The following ARHGAP18 variants were observed in gnomAD, a reference collection of about 807,000 sequenced individuals.
ARHGAP18 encodes the protein Rho GTPase activating protein 18, also known as rho GTPase-activating protein 18.
Under a neutral mutation model 86.2 loss-of-function variants are expected in ARHGAP18, and 67 were observed. The observed-to-expected ratio is 0.78, with a 90% CI of 0.64 to 0.95. ARHGAP18 has a LOEUF of 0.95. Ranked by LOEUF, ARHGAP18 falls within the 40% of genes least tolerant of loss-of-function variation. The probability of loss-of-function intolerance (pLI) is 0.00; values close to 1 mark genes in which losing one functional copy is unlikely to be tolerated. For synonymous variants in ARHGAP18, 283 were observed against 280.4 expected, an observed-to-expected ratio of 1.01 and a Z score of -0.09; for missense variants, 691 against 780.4, an observed-to-expected ratio of 0.89 and a Z score of 1.37.
chr6:129,702,948 C>T (rs374822318), intron 1 of ARHGAP18, among the ~76,000 whole-genome samples: 8 of 151,966 alleles, frequency 5.3e-5, no homozygotes, highest in Middle Eastern at 6.8e-3. Flanking sequence ...TGCAGTGAGC[C>T]GAGATTGCGC....
At chr6:129,614,569 G>T (rs1789053459) in intron 7 of ARHGAP18, among the ~76,000 whole-genome samples, 1 of 152,054 alleles carries the variant, frequency 6.6e-6, no homozygotes, top group African/African-American at 2.4e-5. Context: ...GACAAAGGAA[G>T]ATTTTTCTTA....
intron 1 of ARHGAP18, among the ~76,000 whole-genome samples, chr6:129,669,797 A>C (rs1562718841): frequency 6.6e-6 from 1 of 152,070 alleles, no homozygotes; most frequent in African/African-American, 2.4e-5. Context: ...AAAAAAATAA[A>C]TAAATTCAGG....
rs1244632008 is a variant in ARHGAP18, at chr6:129,625,200, ATT to A, written c.786+4151_786+4152del. Among the ~76,000 whole-genome samples the A allele has an allele frequency of 7.6e-4, 63 of 83,274 alleles. 6 individuals are homozygous for A. Among genetic ancestry groups the A allele is most frequent in the African/African-American group, 4.2e-3 (61 of 14,596 alleles). 54.6% of individuals were successfully genotyped at this position (83,274 alleles called of 152,430 possible). A position where few individuals can be genotyped will look rare whatever the true frequency, so the allele number is the denominator to read the frequency against. ...ATATTATATATTATATATGATATAT[ATT>A]TATATGTAATATATATGATATATGA... On this transcript the variant is annotated intron_variant, in intron 5 of 14. Coordinates refer to ENST00000368149, the MANE Select transcript of ARHGAP18 (RefSeq NM_033515.3).
chr6:129,628,520 G>C (rs1773091254), intron 5 of ARHGAP18, among the ~76,000 whole-genome samples: 1 of 152,050 alleles, frequency 6.6e-6, no homozygotes, highest in South Asian at 2.1e-4. Context: ...TTTTATAATG[G>C]GGAGATCTAG....
intron 1 of ARHGAP18, among the ~76,000 whole-genome samples, chr6:129,687,237 A>T (rs1271232267): frequency 2.0e-5 from 3 of 151,490 alleles, no homozygotes; most frequent in African/African-American, 7.3e-5. Context: ...AGGACTTGCA[A>T]CTCTAGTTCA....
intron 1 of ARHGAP18, among the ~76,000 whole-genome samples, chr6:129,670,275 A>T (rs751654316): frequency 2.0e-5 from 3 of 152,252 alleles, no homozygotes; most frequent in Non-Finnish European, 4.4e-5. Flanking sequence ...GAGAGCTTAC[A>T]TTATCACTTC....
chr6:129,598,602 CTTAATATACTCTTACAGTAGT>C (rs1199729868), intron 12 of ARHGAP18, among the ~76,000 whole-genome samples: 1 of 152,148 alleles, frequency 6.6e-6, no homozygotes, highest in African/African-American at 2.4e-5. Flanking sequence ...AAACCCAGTT[CTTAATATACTCTTACAGTAGT>C]TTATAAATAC....
At chr6:129,596,993 T>C (rs185132255) in intron 12 of ARHGAP18, 1 of 152,336 alleles carries the variant, frequency 6.6e-6, no homozygotes, top group East Asian at 1.9e-4. Flanking sequence ...GGAAGCAACA[T>C]GCAAAAAACT....
intron 3 of ARHGAP18, 119 bp from the exon 4 acceptor site, chr6:129,634,224 T>A: frequency 2.5e-6 from 2 of 792,836 alleles, no homozygotes; most frequent in Middle Eastern, 2.4e-4. Flanking sequence ...ATTATAACAA[T>A]CACAGTGAAA....
At chr6:129,678,681 T>G (rs192573723) in intron 1 of ARHGAP18, among the ~76,000 whole-genome samples, 1 of 152,338 alleles carries the variant, frequency 6.6e-6, no homozygotes, top group Non-Finnish European at 1.5e-5. Flanking sequence ...CTGTGACTCA[T>G]GCAGGGATTG....
intron 1 of ARHGAP18, among the ~76,000 whole-genome samples, chr6:129,671,332 A>G (rs535592164): frequency 6.6e-6 from 1 of 152,366 alleles, no homozygotes; most frequent in Admixed American, 6.5e-5. Context: ...AAATAAGATC[A>G]GAAAACATTC....
chr6:129,641,570 A>G (rs1562706595), intron 2 of ARHGAP18, among the ~76,000 whole-genome samples: 1 of 152,218 alleles, frequency 6.6e-6, no homozygotes, highest in Non-Finnish European at 1.5e-5. Context: ...CTAAAAAGCT[A>G]TGATACAGTG....
intron 5 of ARHGAP18, among the ~76,000 whole-genome samples, chr6:129,625,935 ATATAT>A (rs577886222): frequency 0.014 from 1,345 of 98,494 alleles, 53 homozygotes; most frequent in African/African-American, 0.05. Context: ...TTTATATATT[ATATAT>A]TATATATTTA....
chr6:129,610,684 A>G (rs1349343242), intron 8 of ARHGAP18, among the ~76,000 whole-genome samples: 1 of 151,776 alleles, frequency 6.6e-6, no homozygotes, highest in Non-Finnish European at 1.5e-5. Context: ...CTGGAGTGCA[A>G]TGGTGCGATC....
At chr6:129,625,134 GAT>G (rs372476292) in intron 5 of ARHGAP18, among the ~76,000 whole-genome samples, 5,308 of 23,176 alleles carry the variant, frequency 0.23, 1,340 homozygotes, top group African/African-American at 0.54. Flanking sequence ...TATTATATAT[GAT>G]ATATATTATA....
chr6:129,690,579 T>TC (rs1295946977), intron 1 of ARHGAP18, among the ~76,000 whole-genome samples: 1 of 152,190 alleles, frequency 6.6e-6, no homozygotes, highest in Non-Finnish European at 1.5e-5. Context: ...ATTTACTTTT[T>TC]CCCAATATGT....
intron 1 of ARHGAP18, among the ~76,000 whole-genome samples, chr6:129,689,316 CTA>C: frequency 6.6e-6 from 1 of 152,140 alleles, no homozygotes; most frequent in East Asian, 1.9e-4. Context: ...TTTTTTGAGA[CTA>C]AGTCTCACTC....
chr6:129,633,246 G>A (rs1241786411), intron 4 of ARHGAP18, among the ~76,000 whole-genome samples: 1 of 145,772 alleles, frequency 6.9e-6, no homozygotes, highest in Non-Finnish European at 1.5e-5. Context: ...TCGCCAACAT[G>A]GTGAAACCCT....
rs778433239 is a variant in ARHGAP18 at position 129,618,671 on chromosome 6, A to G, written c.952+16T>C. On this transcript the variant is annotated intron_variant, in intron 6 of 14. Coordinates refer to ENST00000368149, the MANE Select transcript of ARHGAP18 (RefSeq NM_033515.3). ...ATTTTAGAAATAAATCCAAGGGTTT[A>G]TCATTTCATGATTACCTTTTGTTTT... 1.3e-6 allele frequency: 2 copies of G among 1,589,716 alleles called. No homozygotes were observed. The highest frequency in any genetic ancestry group is 2.7e-5 in the African/African-American group (2 of 74,266).
Sources: allele counts gnomAD v4.1 joint callset (sites outside exome capture counted in the v4.1 genomes callset), GRCh38; gene constraint gnomAD v4.1.1; transcripts MANE v1.5; gene names NCBI Gene and HGNC (gene_info 2026-07-23, HGNC 2026-07-21).